Variants in RALGPS2 observed in about 807,000 individuals in gnomAD.
RALGPS2 encodes ras-specific guanine nucleotide-releasing factor RalGPS2.
A neutral mutation model predicts 86.8 loss-of-function variants in RALGPS2; 43 were observed. That is an observed-to-expected ratio of 0.50 (90% CI 0.39 to 0.64). RALGPS2 has a LOEUF of 0.64. Ranked by LOEUF, RALGPS2 falls within the 30% of genes least tolerant of loss-of-function variation. RALGPS2 has a pLI of 0.00. For missense variants in RALGPS2, 536 were observed against 694.6 expected, an observed-to-expected ratio of 0.77 and a Z score of 2.57; for synonymous variants, 243 against 231.3, an observed-to-expected ratio of 1.05 and a Z score of -0.46.
intron 1 of RALGPS2, among the ~76,000 whole-genome samples, chr1:178,732,810 T>C (rs1650473905): frequency 6.6e-6 from 1 of 152,118 alleles, no homozygotes; most frequent in Admixed American, 6.5e-5. Context: ...TCTTTTCCAT[T>C]AATCTGTTAA....
chr1:178,875,530 T>A (rs1658963195), intron 8 of RALGPS2, among the ~76,000 whole-genome samples: 1 of 151,946 alleles, frequency 6.6e-6, no homozygotes, highest in African/African-American at 2.4e-5. Context: ...GGTGGATCAC[T>A]TGAGACCAGG....
intron 14 of RALGPS2, among the ~76,000 whole-genome samples, chr1:178,891,463 T>C (rs1659707568): frequency 6.6e-6 from 1 of 152,104 alleles, no homozygotes. Flanking sequence ...AAATACATTG[T>C]TGTCTTTTTT....
At chr1:178,758,314 T>C (rs1045045829) in intron 1 of RALGPS2, among the ~76,000 whole-genome samples, 3 of 152,188 alleles carry the variant, frequency 2.0e-5, no homozygotes, top group African/African-American at 2.4e-5. Context: ...CGAGATACTT[T>C]GATAGAGGCA....
At chr1:178,827,835 A>G (rs1184859398) in intron 7 of RALGPS2, among the ~76,000 whole-genome samples, 2 of 152,238 alleles carry the variant, frequency 1.3e-5, no homozygotes, top group African/African-American at 2.4e-5. Context: ...TTGATCCTCA[A>G]CAAAGATAAC....
At position 178,810,422 on chromosome 1, in the gene RALGPS2, A is replaced by C. The variant is rs190773458; in HGVS notation, c.298-893A>C. Among the ~76,000 whole-genome samples the C allele has an allele frequency of 9.9e-4, 150 of 152,228 alleles. 1 individual carries two copies. Among genetic ancestry groups the C allele is most frequent in the African/African-American group, 3.5e-3 (144 of 41,542 alleles). ...CAAATCACCATAATATTTGTATTAA[A>C]ATTTGCCTGATGTTAAATTTAATTA... is the stretch of plus-strand genomic sequence containing the variant. On this transcript the variant is annotated intron_variant, in intron 5 of 19. Coordinates refer to ENST00000367635, the MANE Select transcript of RALGPS2 (RefSeq NM_152663.5).
At chr1:178,731,022 T>A (rs2102001501) in intron 1 of RALGPS2, among the ~76,000 whole-genome samples, 1 of 152,208 alleles carries the variant, frequency 6.6e-6, no homozygotes, top group Non-Finnish European at 1.5e-5. Context: ...TTTTTGCCAT[T>A]TTCCTGTGAT....
intron 6 of RALGPS2, among the ~76,000 whole-genome samples, chr1:178,811,850 G>A (rs140172384): frequency 4.6e-5 from 7 of 152,322 alleles, no homozygotes; most frequent in African/African-American, 1.7e-4. Context: ...TAACTGAACA[G>A]TTATTGTGTG....
intron 8 of RALGPS2, chr1:178,851,059 G>A: frequency 6.3e-6 from 9 of 1,428,074 alleles, no homozygotes; most frequent in Non-Finnish European, 8.5e-6. Flanking sequence ...TAATATACAT[G>A]TAACATTTAC....
intron 1 of RALGPS2, among the ~76,000 whole-genome samples, chr1:178,744,641 C>A (rs1651206988): frequency 6.6e-6 from 1 of 151,806 alleles, no homozygotes; most frequent in South Asian, 2.1e-4. Flanking sequence ...TGGTGAAACC[C>A]CGTCTCTACT....
Position 178,725,255 on chromosome 1 carries a change from C to CGGAG in RALGPS2, c.-248_-247insGGAG, listed in dbSNP as rs1558088477. The stretch of plus-strand genomic sequence containing the variant: ...GGTGGTTCCAGCTCACTCTCCTCCC[C>CGGAG]CGAGCGGCAGCGGCGGCGGCGGCGG... On this transcript the variant is annotated 5_prime_UTR_variant, in exon 1 of 20. Transcript: ENST00000367635. 388 of 113,226 alleles carry CGGAG rather than the reference C, an allele frequency of 3.4e-3. 1 individual carries two copies. The highest frequency in any genetic ancestry group is 0.015 in the African/African-American group (367 of 25,218). The allele number at this position is 113,226 out of a possible 1,614,324, so 7.0% of individuals were successfully genotyped here.
intron 8 of RALGPS2, among the ~76,000 whole-genome samples, chr1:178,875,596 G>A (rs1001659344): frequency 2.6e-5 from 4 of 151,812 alleles, no homozygotes; most frequent in South Asian, 2.1e-4. Context: ...AAAAATGCAA[G>A]AACTACCCAG....
rs1056663895 is a variant in RALGPS2 at position 178,919,519 on chromosome 1, T to A, written c.*3160T>A. 6.6e-6 allele frequency: 1 copy of A among 152,004 alleles called. No homozygotes were observed. Among genetic ancestry groups the A allele is most frequent in the Non-Finnish European group, 1.5e-5 (1 of 67,904 alleles). The allele number at this position is 152,004 out of a possible 1,614,324, so 9.4% of individuals were successfully genotyped here. A position where few individuals can be genotyped will look rare whatever the true frequency, so the allele number is the denominator to read the frequency against. On this transcript the variant is annotated 3_prime_UTR_variant, in exon 20 of 20. Transcript: ENST00000367635. ...CAGGAGGAAAAAAGAATGGAAAACA[T>A]GTTTACAGACTCTAGCTTTCCTTAT...
At chr1:178,897,541 C>T (rs1433486671) in intron 16 of RALGPS2, 123 bp from the exon 17 acceptor site, 2 of 739,202 alleles carry the variant, frequency 2.7e-6, no homozygotes, top group East Asian at 2.5e-5. Flanking sequence ...AGTGATACAG[C>T]TCAACTCTGA....
In RALGPS2 at chr1:178,856,645, T is replaced by C. The variant is rs186721096; in HGVS notation, c.608-20853T>C. On this transcript the variant is annotated intron_variant, in intron 8 of 19. Transcript: ENST00000367635. The stretch of plus-strand genomic sequence containing the variant: ...TGAACGTATTCAGAGCCCTTAACAC[T>C]ATACCCAACAAAGTAGTCATCATCG... Among the ~76,000 whole-genome samples, 71 of 151,988 alleles carry C rather than the reference T, an allele frequency of 4.7e-4. 1 individual carries two copies. The highest frequency in any genetic ancestry group is 6.8e-4 in the Non-Finnish European group (46 of 67,970).
chr1:178,875,159 C>G (rs959962885), intron 8 of RALGPS2, among the ~76,000 whole-genome samples: 14 of 152,148 alleles, frequency 9.2e-5, no homozygotes, highest in Admixed American at 7.2e-4. Flanking sequence ...TTTGTATTAC[C>G]AGTTTTCAAC....
chr1:178,770,507 CTTTTTTTTT>C (rs747336558), intron 1 of RALGPS2, among the ~76,000 whole-genome samples: 2 of 136,210 alleles, frequency 1.5e-5, no homozygotes, highest in East Asian at 4.2e-4. Flanking sequence ...ATACTTCATA[CTTTTTTTTT>C]TTTTTTTTTT....
chr1:178,915,674 A>G (rs1412131455), intron 19 of RALGPS2, among the ~76,000 whole-genome samples: 2 of 152,204 alleles, frequency 1.3e-5, no homozygotes, highest in Admixed American at 1.3e-4. Context: ...CTTGTAAGGT[A>G]TTTATGTTTT....
At chr1:178,828,224 C>G (rs957146896) in intron 7 of RALGPS2, among the ~76,000 whole-genome samples, 6 of 152,158 alleles carry the variant, frequency 3.9e-5, no homozygotes, top group Non-Finnish European at 8.8e-5. Flanking sequence ...ATCCAAAATA[C>G]AGTCATGCAT....
At chr1:178,770,313 C>T (rs1652730034) in intron 1 of RALGPS2, among the ~76,000 whole-genome samples, 6 of 152,056 alleles carry the variant, frequency 3.9e-5, no homozygotes, top group Admixed American at 3.9e-4. Context: ...CTTGAGCCAC[C>T]ATGCCCAGCC....
Sources: allele counts gnomAD v4.1 joint callset (sites outside exome capture counted in the v4.1 genomes callset), GRCh38; gene constraint gnomAD v4.1.1; transcripts MANE v1.5; gene names NCBI Gene and HGNC (gene_info 2026-07-23, HGNC 2026-07-21).